Variants in PLA2G4D observed in about 807,000 individuals in gnomAD.
PLA2G4D encodes the protein phospholipase A2 group IVD.
PLA2G4D carries 80 observed loss-of-function variants against 94.4 expected under a neutral mutation model. That is an observed-to-expected ratio of 0.85 (90% CI 0.71 to 1.02). The LOEUF (loss-of-function observed/expected upper bound fraction) is 1.02. Among genes scored for constraint, PLA2G4D ranks in the 50% least tolerant of loss-of-function variants. The probability of loss-of-function intolerance (pLI) is 0.00; values close to 1 mark genes in which losing one functional copy is unlikely to be tolerated. For synonymous variants in PLA2G4D, 438 were observed against 440.9 expected (o/e 0.99, Z 0.08); for missense variants, 1,050 against 1,034.7 (o/e 1.01, Z -0.20).
At chr15:42,088,107 C>G (rs1189972750) in intron 1 of PLA2G4D, among the ~76,000 whole-genome samples, 1 of 152,206 alleles carries the variant, frequency 6.6e-6, no homozygotes, top group Non-Finnish European at 1.5e-5. Flanking sequence ...GGTGACCCTG[C>G]TGCCAGCACT....
At position 42,086,194 on chromosome 15, in the gene PLA2G4D, T is replaced by TGGGGGGGGGGGCCCC; in HGVS notation, c.387+18_387+19insGGGGCCCCCCCCCCC. 11 of 1,370,432 alleles carry TGGGGGGGGGGGCCCC rather than the reference T, an allele frequency of 8.0e-6. No individual in the cohort carries two copies. The highest frequency in any genetic ancestry group is 9.6e-6 in the Non-Finnish European group (10 of 1,043,078). The allele number at this position is 1,370,432 out of a possible 1,614,324, so 84.9% of individuals were successfully genotyped here. A position where few individuals can be genotyped will look rare whatever the true frequency, so the allele number is the denominator to read the frequency against. ...GGAAGAAGTGGGGCCCACGGGGACT[T>TGGGGGGGGGGGCCCC]CCCCACCCACCCACCCACCTGGGGA... is the stretch of plus-strand genomic sequence containing the variant. On this transcript the variant is annotated intron_variant, in intron 4 of 19. Coordinates refer to ENST00000290472, the MANE Select transcript of PLA2G4D (RefSeq NM_178034.4).
intron 18 of PLA2G4D, 76 bp downstream of exon 18, chr15:42,070,641 G>T (rs1889786175): frequency 6.9e-7 from 1 of 1,458,580 alleles, no homozygotes; most frequent in Non-Finnish European, 9.3e-7. Context: ...TGGGGCAGGG[G>T]CTCAGTGGCC....
Position 42,067,719 on chromosome 15 carries a change from T to A in PLA2G4D, c.*996A>T, listed in dbSNP as rs963152551. 2.6e-5 allele frequency: 4 copies of A among 152,180 alleles called. No homozygotes were observed. Among genetic ancestry groups the A allele is most frequent in the Admixed American group, 6.5e-5 (1 of 15,276 alleles). The allele number at this position is 152,180 out of a possible 1,614,324, so 9.4% of individuals were successfully genotyped here. A position where few individuals can be genotyped will look rare whatever the true frequency, so the allele number is the denominator to read the frequency against. Reference sequence around the variant, plus strand: ...AATACACGACAAAACCACATGATCATGCCCATAGACACAGAAAAATCACTT... The same window carrying A: ...AATACACGACAAAACCACATGATCAAGCCCATAGACACAGAAAAATCACTT... On this transcript the variant is annotated 3_prime_UTR_variant, in exon 20 of 20. Transcript: ENST00000290472.
At chr15:42,091,408 GAAGAC>G (rs1258483556) in intron 1 of PLA2G4D, among the ~76,000 whole-genome samples, 1 of 152,254 alleles carries the variant, frequency 6.6e-6, no homozygotes, top group African/African-American at 2.4e-5. Context: ...GAAGTGACCA[GAAGAC>G]AAGAGTGCGA....
intron 13 of PLA2G4D, among the ~76,000 whole-genome samples, chr15:42,077,768 C>T (rs1889958136): frequency 6.6e-6 from 1 of 152,244 alleles, no homozygotes; most frequent in Non-Finnish European, 1.5e-5. Flanking sequence ...TTGGCCAGGG[C>T]CTACGCCCAT....
chr15:42,087,548 C>A (rs956073327), intron 2 of PLA2G4D, 80 bp downstream of exon 2: 2 of 1,605,004 alleles, frequency 1.2e-6, no homozygotes, highest in Non-Finnish European at 1.7e-6. Context: ...CCCAGCCCAG[C>A]CCCAGGGCAC....
At position 42,086,186 on chromosome 15, in the gene PLA2G4D, C is replaced by A. The variant is rs776728; in HGVS notation, c.387+27G>T. 8 of 1,359,642 alleles carry A rather than the reference C, an allele frequency of 5.9e-6. No homozygotes were observed. The South Asian group carries it at 1.1e-4, about 19-fold the overall frequency. 84.2% of individuals were successfully genotyped at this position (1,359,642 alleles called of 1,614,324 possible). ...TTGGAGTTGGAAGAAGTGGGGCCCA[C>A]GGGGACTTCCCCACCCACCCACCCA... is the stretch of plus-strand genomic sequence containing the variant. On this transcript the variant is annotated intron_variant, in intron 4 of 19. Transcript: ENST00000290472.
Position 42,068,700 on chromosome 15 carries a change from A to AG in PLA2G4D, c.*14dup, listed in dbSNP as rs774414741. The AG allele has an allele frequency of 6.3e-7, 1 of 1,592,052 alleles. No individual in the cohort carries two copies. Among genetic ancestry groups the AG allele is most frequent in the Non-Finnish European group, 8.6e-7 (1 of 1,168,832 alleles). On this transcript the variant is annotated 3_prime_UTR_variant, in exon 20 of 20. Transcript: ENST00000290472. ...GCCCGCAGGCCCTGGAGGGTCCTGC[A>AG]GCCTCTGAGCAACCTCAGGTCTGTG... is the stretch of plus-strand genomic sequence containing the variant.
At chr15:42,072,438 T>C (rs770162563) in intron 13 of PLA2G4D, 46 bp from the exon 14 acceptor site, 9 of 1,504,508 alleles carry the variant, frequency 6.0e-6, no homozygotes, top group Non-Finnish European at 8.3e-6. Context: ...GGGAGTACCC[T>C]GGAGGCAGTG....
intron 1 of PLA2G4D, among the ~76,000 whole-genome samples, chr15:42,088,507 G>A (rs534372081): frequency 7.2e-5 from 11 of 152,162 alleles, no homozygotes; most frequent in African/African-American, 2.4e-4. Flanking sequence ...TGAGGTCCCC[G>A]GCACTGCCAC....
chr15:42,094,315 G>C, intron 1 of PLA2G4D, 100 bp downstream of exon 1: 2 of 1,427,882 alleles, frequency 1.4e-6, no homozygotes, highest in Non-Finnish European at 1.9e-6. Context: ...CTCTGGCCCA[G>C]TCTGAAATCA....
rs1043847769 is a variant in PLA2G4D at position 42,084,141 on chromosome 15, C to T, written c.472-362G>A. ...CTACCACAACTCCAAATAATCTAAG[C>T]AAGCCGCCCATCCATAGGAGGGTAG... On this transcript the variant is annotated intron_variant, in intron 6 of 19. Coordinates refer to ENST00000290472, the MANE Select transcript of PLA2G4D (RefSeq NM_178034.4). This position sits in a 1 kb window ranked among gnomAD's most constrained non-coding sequence, Gnocchi z 4.8. The T allele has an allele frequency of 4.1e-6, 1 of 241,062 alleles. No individual in the cohort carries two copies. Among genetic ancestry groups the T allele is most frequent in the Non-Finnish European group, 8.2e-6 (1 of 121,558 alleles). 14.9% of individuals were successfully genotyped at this position (241,062 alleles called of 1,614,324 possible). A position where few individuals can be genotyped will look rare whatever the true frequency, so the allele number is the denominator to read the frequency against.
chr15:42,083,576 G>T, intron 7 of PLA2G4D, 140 bp downstream of exon 7: 1 of 1,135,486 alleles, frequency 8.8e-7, no homozygotes, highest in Non-Finnish European at 1.3e-6. Context: ...GGAGATGCGT[G>T]GCCCTCTGTG....
In PLA2G4D at chr15:42,081,955, G is replaced by A. The variant is rs1234423039; in HGVS notation, c.784-121C>T. ...TTTTTTTTTTTTTTTTTTTGAGACA[G>A]AGTTTCACTCTTGTTGCTCAGGCTG... On this transcript the variant is annotated intron_variant, in intron 9 of 19. Transcript: ENST00000290472. 18 of 1,071,990 alleles carry A rather than the reference G, an allele frequency of 1.7e-5. No individual in the cohort carries two copies. The Admixed American group carries it at 4.7e-4, about 28-fold the overall frequency. The allele number at this position is 1,071,990 out of a possible 1,614,324, so 66.4% of individuals were successfully genotyped here. A position where few individuals can be genotyped will look rare whatever the true frequency, so the allele number is the denominator to read the frequency against.
intron 13 of PLA2G4D, among the ~76,000 whole-genome samples, chr15:42,078,776 T>C (rs555919532): frequency 6.6e-6 from 1 of 152,342 alleles, no homozygotes; most frequent in East Asian, 1.9e-4. Context: ...TTCCATACTT[T>C]GTCTTTTCAT....
intron 7 of PLA2G4D, 139 bp downstream of exon 7, chr15:42,083,577 G>T: frequency 8.8e-7 from 1 of 1,140,306 alleles, no homozygotes; most frequent in Non-Finnish European, 1.3e-6. Flanking sequence ...GAGATGCGTG[G>T]CCCTCTGTGC....
Position 42,085,480 on chromosome 15 carries a change from A to G in PLA2G4D, c.428+11T>C. ...CCTGAGACACTCCCTGGGCTGTGTG[A>G]CATTACTCACGTTTCTTCCATCAGG... On this transcript the variant is annotated intron_variant, in intron 5 of 19. Transcript: ENST00000290472. The G allele has an allele frequency of 1.2e-6, 2 of 1,613,910 alleles. No individual in the cohort carries two copies. The highest frequency in any genetic ancestry group is 1.7e-6 in the Non-Finnish European group (2 of 1,179,956).
At chr15:42,086,791 G>A (rs550508779) in intron 3 of PLA2G4D, among the ~76,000 whole-genome samples, 4 of 152,296 alleles carry the variant, frequency 2.6e-5, no homozygotes, top group African/African-American at 9.6e-5. Flanking sequence ...GGCGGAGGTT[G>A]CAGTGAGCCC....
rs776469840 is a variant in PLA2G4D at position 42,070,054 on chromosome 15, C to T, written c.2085G>A (p.Leu695=). 8 of 1,520,824 alleles carry T rather than the reference C, an allele frequency of 5.3e-6. No homozygotes were observed. In the Admixed American group the frequency reaches 1.5e-4, roughly 29 times the overall value. 94.2% of individuals were successfully genotyped at this position (1,520,824 alleles called of 1,614,324 possible). Residue 695 remains leucine (L), a synonymous_variant, in exon 19 of 20, where the codon CTG becomes CTA. Coordinates refer to ENST00000290472, the MANE Select transcript of PLA2G4D (RefSeq NM_178034.4). ...QTELYCRARG[L]PFPRVEPSPQ... ...GGCTGGGTTCCACCCGGGGGAAGGGCAGCCCCCGGGCCCGGCAGTACAGCT... is the reference window on the plus strand; with the variant it reads ...GGCTGGGTTCCACCCGGGGGAAGGGTAGCCCCCGGGCCCGGCAGTACAGCT...
Sources: allele counts gnomAD v4.1 joint callset (sites outside exome capture counted in the v4.1 genomes callset), GRCh38; gene constraint gnomAD v4.1.1; non-coding constraint Gnocchi (gnomAD v3.1); transcripts MANE v1.5; gene names NCBI Gene and HGNC (gene_info 2026-07-23, HGNC 2026-07-21).